The following UHRF2 variants were observed in gnomAD, a reference collection of about 807,000 sequenced individuals.
The protein encoded by UHRF2 is E3 ubiquitin-protein ligase UHRF2.
Under a neutral mutation model 96.8 loss-of-function variants are expected in UHRF2, and 23 were observed. That is an observed-to-expected ratio of 0.24 (90% CI 0.17 to 0.34). The LOEUF (loss-of-function observed/expected upper bound fraction) is 0.34, where lower values mean the gene tolerates loss of function less well. UHRF2 is among the 10% of genes least tolerant of loss of function. The pLI, the probability that UHRF2 is intolerant of heterozygous loss-of-function variation, is 1.00. For synonymous variants in UHRF2, 385 were observed against 332.6 expected (o/e 1.16, Z -1.72); for missense variants, 685 against 981.5 (o/e 0.70, Z 4.04).
At chr9:6,423,993 CAGAAT>C (rs1481364535) in intron 2 of UHRF2, among the ~76,000 whole-genome samples, 3 of 74,492 alleles carry the variant, frequency 4.0e-5, no homozygotes, top group African/African-American at 1.7e-4. Flanking sequence ...GAGGAATAGA[CAGAAT>C]AGGTTAATAT....
chr9:6,481,784 C>T lies in UHRF2; in HGVS notation c.1284+18C>T, dbSNP rs771430754. The T allele has an allele frequency of 1.3e-6, 2 of 1,599,720 alleles. No homozygotes were observed. Among genetic ancestry groups the T allele is most frequent in the South Asian group, 1.1e-5 (1 of 88,854 alleles). Reference sequence around the variant, plus strand: ...GGGGCAGGGTAAAGAAGAAATTCCCCTTTTCTTCCTAATAGCAAGTTATAA... The same window carrying T: ...GGGGCAGGGTAAAGAAGAAATTCCCTTTTTCTTCCTAATAGCAAGTTATAA... On this transcript the variant is annotated intron_variant, in intron 7 of 15. Coordinates refer to ENST00000276893, the MANE Select transcript of UHRF2 (RefSeq NM_152896.3).
chr9:6,442,812 A>G (rs1222515229), intron 3 of UHRF2, among the ~76,000 whole-genome samples: 1 of 152,080 alleles, frequency 6.6e-6, no homozygotes, highest in African/African-American at 2.4e-5. Flanking sequence ...TCATGATGAT[A>G]TGGTCTAGGC....
chr9:6,492,378 G>T, intron 9 of UHRF2: 3 of 1,183,932 alleles, frequency 2.5e-6, no homozygotes, highest in Non-Finnish European at 3.3e-6. Flanking sequence ...ATCAGTTTAA[G>T]AAGTATTCTA....
At position 6,433,594 on chromosome 9, in the gene UHRF2, T is replaced by A. The variant is rs182253631; in HGVS notation, c.385-320T>A. 3.2e-4 allele frequency among the ~76,000 whole-genome samples: 48 copies of A among 152,370 alleles called. 1 individual carries two copies. Among genetic ancestry groups the A allele is most frequent in the Admixed American group, 3.1e-3 (48 of 15,304 alleles). On this transcript the variant is annotated intron_variant, in intron 2 of 15. Transcript: ENST00000276893. ...GGCTTTTCATTAGTGTCATTCTTAC[T>A]GGATGACTTGCAAGAATGACTCTTA... is the stretch of plus-strand genomic sequence containing the variant.
At chr9:6,423,381 C>G (rs1484137096) in intron 2 of UHRF2, among the ~76,000 whole-genome samples, 1 of 152,100 alleles carries the variant, frequency 6.6e-6, no homozygotes, top group Non-Finnish European at 1.5e-5. Flanking sequence ...ATCAGCTTCA[C>G]TAACATTGAC....
chr9:6,439,213 C>A (rs1821017902), intron 3 of UHRF2, among the ~76,000 whole-genome samples: 1 of 152,114 alleles, frequency 6.6e-6, no homozygotes, highest in Non-Finnish European at 1.5e-5. Context: ...TTGAGACAGC[C>A]CTGCTCTATG....
At chr9:6,491,936 T>C (rs997797513) in intron 9 of UHRF2, among the ~76,000 whole-genome samples, 7 of 152,198 alleles carry the variant, frequency 4.6e-5, no homozygotes, top group African/African-American at 1.7e-4. Context: ...TCTCGCTATG[T>C]CACCCAGGCT....
At position 6,428,490 on chromosome 9, in the gene UHRF2, T is replaced by G. The variant is rs149814824; in HGVS notation, c.385-5424T>G. On this transcript the variant is annotated intron_variant, in intron 2 of 15. Transcript: ENST00000276893. ...TTTATGCAACCCTAATCCCTAATTT[T>G]CTGGTTTCTGAACTTTATGTAAATG... 1.6e-3 allele frequency among the ~76,000 whole-genome samples: 246 copies of G among 150,536 alleles called. 7 individuals carry two copies. In the East Asian group the frequency reaches 0.043, roughly 26 times the overall value.
At chr9:6,480,509 A>C (rs994724977) in intron 6 of UHRF2, among the ~76,000 whole-genome samples, 6 of 152,312 alleles carry the variant, frequency 3.9e-5, no homozygotes, top group Non-Finnish European at 8.8e-5. Flanking sequence ...ATATCTCTAC[A>C]TTCGTATCAA....
intron 4 of UHRF2, among the ~76,000 whole-genome samples, chr9:6,472,560 A>C (rs1563785794): frequency 6.6e-6 from 1 of 152,228 alleles, no homozygotes; most frequent in Non-Finnish European, 1.5e-5. Context: ...AGGTTCAGAC[A>C]ATCAAGATGA....
intron 2 of UHRF2, among the ~76,000 whole-genome samples, chr9:6,431,223 G>A (rs1436112252): frequency 6.6e-6 from 1 of 152,188 alleles, no homozygotes; most frequent in African/African-American, 2.4e-5. Context: ...GAATTTAAGA[G>A]CATTTCTGTC....
chr9:6,493,600 G>A (rs1824800824), intron 9 of UHRF2, among the ~76,000 whole-genome samples: 1 of 152,092 alleles, frequency 6.6e-6, no homozygotes, highest in Admixed American at 6.6e-5. Context: ...ACCATATTTG[G>A]AGATGTTGAA....
intron 1 of UHRF2, among the ~76,000 whole-genome samples, chr9:6,420,698 C>T (rs189568667): frequency 0.011 from 1,659 of 145,472 alleles, 30 homozygotes; most frequent in African/African-American, 0.037. Context: ...CAGAGTGAGA[C>T]ACCGTCTCAA....
chr9:6,493,671 C>G (rs1027695280), intron 9 of UHRF2, among the ~76,000 whole-genome samples, 155 bp from the exon 10 acceptor site: 1 of 152,086 alleles, frequency 6.6e-6, no homozygotes. Context: ...ATACTACACA[C>G]AAGATTGCAT....
At chr9:6,448,387 T>C (rs1821648717) in intron 3 of UHRF2, among the ~76,000 whole-genome samples, 1 of 152,236 alleles carries the variant, frequency 6.6e-6, no homozygotes, top group South Asian at 2.1e-4. Flanking sequence ...TTTTACAAAC[T>C]ACATAGTTTC....
At position 6,413,345 on chromosome 9, in the gene UHRF2, C is replaced by A. The variant is rs1315969077; in HGVS notation, c.-146C>A. ...CTGAGAGTCGTCGCCGCCTGTCGGG[C>A]CCGGCGTCCGGTCGGTCCGGTGGGC... is the stretch of plus-strand genomic sequence containing the variant. On this transcript the variant is annotated 5_prime_UTR_variant, in exon 1 of 16. Coordinates refer to ENST00000276893, the MANE Select transcript of UHRF2 (RefSeq NM_152896.3). 3.9e-6 allele frequency: 3 copies of A among 772,518 alleles called. No individual in the cohort carries two copies. Among genetic ancestry groups the A allele is most frequent in the Non-Finnish European group, 5.0e-6 (3 of 594,860 alleles). The allele number at this position is 772,518 out of a possible 1,614,324, so 47.9% of individuals were successfully genotyped here.
At chr9:6,424,966 T>A (rs1001993602) in intron 2 of UHRF2, among the ~76,000 whole-genome samples, 2 of 152,150 alleles carry the variant, frequency 1.3e-5, no homozygotes, top group Admixed American at 1.3e-4. Context: ...TTGCTAAGTA[T>A]AACTTAGGTT....
Position 6,475,388 on chromosome 9 carries a change from C to T in UHRF2, c.864-3C>T, listed in dbSNP as rs1823506128. Reference sequence around the variant, plus strand: ...AGTTAACCTTTCTTCCTTTTTTAAACAGGGGTTCTGAAGGAACATTAAATG... The same window carrying T: ...AGTTAACCTTTCTTCCTTTTTTAAATAGGGGTTCTGAAGGAACATTAAATG... On this transcript the variant is annotated splice_region_variant and splice_polypyrimidine_tract_variant and intron_variant, in intron 4 of 15. Coordinates refer to ENST00000276893, the MANE Select transcript of UHRF2 (RefSeq NM_152896.3). 6.6e-7 allele frequency: 1 copy of T among 1,513,466 alleles called. No individual in the cohort carries two copies. Among genetic ancestry groups the T allele is most frequent in the East Asian group, 2.4e-5 (1 of 41,898 alleles). 93.8% of individuals were successfully genotyped at this position (1,513,466 alleles called of 1,614,324 possible).
chr9:6,492,856 C>CTTTTTTTTT (rs1824745095), intron 9 of UHRF2: 1 of 63,026 alleles, frequency 1.6e-5, no homozygotes, highest in African/African-American at 5.9e-5. Context: ...TTTTTTTTTA[C>CTTTTTTTTT]ATTTAGTAGA....
Sources: allele counts gnomAD v4.1 joint callset (sites outside exome capture counted in the v4.1 genomes callset), GRCh38; gene constraint gnomAD v4.1.1; transcripts MANE v1.5; gene names NCBI Gene and HGNC (gene_info 2026-07-23, HGNC 2026-07-21).